C3orf20: variants seen among roughly 807,000 people sequenced by gnomAD.
C3orf20 encodes uncharacterized protein C3orf20.
C3orf20 carries 76 observed loss-of-function variants against 88.3 expected under a neutral mutation model. The ratio of observed to expected loss-of-function variants is 0.86; its 90% CI spans 0.72 to 1.04. The LOEUF (loss-of-function observed/expected upper bound fraction) is 1.04. C3orf20 is among the 50% of genes least tolerant of loss of function. The probability of loss-of-function intolerance (pLI) is 0.00; values close to 1 mark genes in which losing one functional copy is unlikely to be tolerated. For synonymous variants in C3orf20, 436 were observed against 437.4 expected, an observed-to-expected ratio of 1.00 and a Z score of 0.04; for missense variants, 1,056 against 1,123.3, an observed-to-expected ratio of 0.94 and a Z score of 0.86.
At chr3:14,684,524 C>A in intron 4 of C3orf20, 142 bp downstream of exon 4, 2 of 1,165,888 alleles carry the variant, frequency 1.7e-6, no homozygotes, top group Non-Finnish European at 2.4e-6. Flanking sequence ...TTTTCAAATG[C>A]TACAGGTGAG....
intron 12 of C3orf20, among the ~76,000 whole-genome samples, chr3:14,741,629 C>T (rs2034901811): frequency 6.6e-6 from 1 of 152,300 alleles, no homozygotes; most frequent in African/African-American, 2.4e-5. Context: ...TGTGGGGATT[C>T]TTGGCTTTGC....
At chr3:14,682,083 G>A (rs938220727) in intron 1 of C3orf20, 87 bp from the exon 2 acceptor site, 1 of 152,218 alleles carries the variant, frequency 6.6e-6, no homozygotes, top group Non-Finnish European at 1.5e-5. Flanking sequence ...GATCACTAAT[G>A]TCTTGGATTT....
intron 4 of C3orf20, among the ~76,000 whole-genome samples, chr3:14,689,192 G>A (rs1324327496): frequency 1.3e-5 from 2 of 152,096 alleles, no homozygotes; most frequent in Non-Finnish European, 2.9e-5. Context: ...GCTATTGTTA[G>A]TTCTTTTCAT....
intron 12 of C3orf20, among the ~76,000 whole-genome samples, chr3:14,736,809 C>T (rs1322214988): frequency 6.6e-6 from 1 of 152,172 alleles, no homozygotes; most frequent in African/African-American, 2.4e-5. Flanking sequence ...TCAAGTGATC[C>T]ACCTGCCTCA....
chr3:14,744,322 C>T (rs1283703316), intron 12 of C3orf20, among the ~76,000 whole-genome samples: 1 of 151,980 alleles, frequency 6.6e-6, no homozygotes, highest in African/African-American at 2.4e-5. Flanking sequence ...TGATCCAGTT[C>T]CCAACAAGTT....
chr3:14,683,875 C>CAAAAA (rs966127219), intron 3 of C3orf20, among the ~76,000 whole-genome samples: 2 of 83,194 alleles, frequency 2.4e-5, no homozygotes, highest in Admixed American at 1.4e-4. Flanking sequence ...GACTCCATCT[C>CAAAAA]AAAAAAAAAA....
rs2035902962 is a variant in C3orf20, at chr3:14,772,985, T to C, written c.*110T>C. On this transcript the variant is annotated 3_prime_UTR_variant, in exon 17 of 17. Coordinates refer to ENST00000253697, the MANE Select transcript of C3orf20 (RefSeq NM_032137.5). The surrounding 1 kb of genome is among the most constrained non-coding windows in gnomAD (Gnocchi z 4.2). Reference sequence around the variant, plus strand: ...TCCCACCCTGTCCTCCAAGCTTCTATAATAAACCAGCGGGCCTCCAGCATT... The same window carrying C: ...TCCCACCCTGTCCTCCAAGCTTCTACAATAAACCAGCGGGCCTCCAGCATT... 1.2e-6 allele frequency: 1 copy of C among 801,816 alleles called. No homozygotes were observed. The highest frequency in any genetic ancestry group is 1.5e-5 in the South Asian group (1 of 67,258). The allele number at this position is 801,816 out of a possible 1,614,324, so 49.7% of individuals were successfully genotyped here.
intron 12 of C3orf20, among the ~76,000 whole-genome samples, chr3:14,736,638 C>T (rs1280384078): frequency 6.7e-6 from 1 of 149,496 alleles, no homozygotes; most frequent in Non-Finnish European, 1.5e-5. Context: ...ATGGTCTCAG[C>T]TCACTGCAAC....
At position 14,761,572 on chromosome 3, in the gene C3orf20, G is replaced by A. The variant is rs759435347; in HGVS notation, c.2452G>A (p.Asp818Asn). 1.1e-5 allele frequency: 17 copies of A among 1,614,120 alleles called. No individual in the cohort carries two copies. In the South Asian group the frequency reaches 1.9e-4, roughly 18 times the overall value. Residue 818 changes from aspartate (D) to asparagine (N), a missense_variant, in exon 15 of 17, where the codon GAT (aspartate) becomes AAT (asparagine). Coordinates refer to ENST00000253697, the MANE Select transcript of C3orf20 (RefSeq NM_032137.5). Reference protein sequence around the residue: ...LLKQIFRSQQDYKMGYFLPDD... With the variant: ...LLKQIFRSQQNYKMGYFLPDD... ...GAAACAGATCTTCCGGTCTCAACAG[G>A]ATTACAAGATGGGCTACTTCCTGCC... is the stretch of plus-strand genomic sequence containing the variant.
chr3:14,680,306 A>C (rs1211212389), intron 1 of C3orf20, among the ~76,000 whole-genome samples: 2 of 152,274 alleles, frequency 1.3e-5, no homozygotes, highest in Admixed American at 6.5e-5. Flanking sequence ...ATACAGTGGA[A>C]TATTACTCTG....
At chr3:14,748,273 T>G (rs2035116364) in intron 12 of C3orf20, among the ~76,000 whole-genome samples, 1 of 152,172 alleles carries the variant, frequency 6.6e-6, no homozygotes, top group Non-Finnish European at 1.5e-5. Context: ...TTCACAATTT[T>G]TTCTTACAGT....
chr3:14,683,083 G>A lies in C3orf20; in HGVS notation c.370G>A (p.Ala124Thr). ...AKRSTLSPTM[A>T]RQVRTHQETL... ...GCGCTCCACCCTCTCTCCCACCATG[G>A]CCCGTCAGGTGCGCACCCACCAGGA... The change falls in exon 3 of 17, where the codon GCC (alanine) becomes ACC (threonine). Residue 124 changes from alanine (A) to threonine (T), a missense_variant. Ala to Thr is a moderately conservative substitution (Grantham distance 58, BLOSUM62 0). Transcript: ENST00000253697. 1.1e-5 allele frequency: 17 copies of A among 1,612,830 alleles called. No homozygotes were observed. The highest frequency in any genetic ancestry group is 1.4e-5 in the Non-Finnish European group (17 of 1,179,408).
Position 14,726,985 on chromosome 3 carries a change from A to G in C3orf20, c.1651A>G (p.Thr551Ala), listed in dbSNP as rs745859657. ...LAEIKKRFQK[T>A]VTQFINSILL... ...TGAGATCAAGAAGCGGTTTCAGAAG[A>G]CAGTGACTCAGTTCATTAATTCTAT... The change falls in exon 11 of 17, where the codon ACA (threonine) becomes GCA (alanine). Residue 551 changes from threonine to alanine, a missense_variant. Thr to Ala is a moderately conservative substitution (Grantham distance 58, BLOSUM62 0). Transcript: ENST00000253697. 6 of 1,614,076 alleles carry G rather than the reference A, an allele frequency of 3.7e-6. No homozygotes were observed. The highest frequency in any genetic ancestry group is 1.7e-5 in the Admixed American group (1 of 59,996).
At chr3:14,695,963 C>A (rs1297447474) in intron 5 of C3orf20, among the ~76,000 whole-genome samples, 1 of 151,876 alleles carries the variant, frequency 6.6e-6, no homozygotes, top group Non-Finnish European at 1.5e-5. Context: ...AGAGTTTAGT[C>A]CATTTATATT....
intron 15 of C3orf20, 91 bp from the exon 16 acceptor site, chr3:14,771,976 C>T (rs1286559946): frequency 2.0e-6 from 3 of 1,521,622 alleles, no homozygotes; most frequent in Middle Eastern, 4.0e-4. Flanking sequence ...CACTTGTGTC[C>T]TTGTCTGTCC....
Position 14,768,707 on chromosome 3 carries a change from C to T in C3orf20, c.2496-3360C>T, listed in dbSNP as rs2035786100. ...AGAGAAATTACCTTCCTGAAGTAGA[C>T]CAGGGGCTCAGAAATAGTGGGCTAG... On this transcript the variant is annotated intron_variant, in intron 15 of 16. Coordinates refer to ENST00000253697, the MANE Select transcript of C3orf20 (RefSeq NM_032137.5). The surrounding 1 kb of genome is among the most constrained non-coding windows in gnomAD (Gnocchi z 4.1). Among the ~76,000 whole-genome samples the T allele has an allele frequency of 6.6e-6, 1 of 151,916 alleles. No individual in the cohort carries two copies. Among genetic ancestry groups the T allele is most frequent in the East Asian group, 1.9e-4 (1 of 5,186 alleles).
At chr3:14,693,356 A>G (rs1443893373) in intron 5 of C3orf20, among the ~76,000 whole-genome samples, 2 of 152,238 alleles carry the variant, frequency 1.3e-5, no homozygotes, top group Non-Finnish European at 1.5e-5. Context: ...ATCCATGAAC[A>G]TGGAATAGCT....
intron 5 of C3orf20, among the ~76,000 whole-genome samples, chr3:14,697,648 C>G (rs950885598): frequency 6.6e-6 from 1 of 150,378 alleles, no homozygotes; most frequent in African/African-American, 2.5e-5. Context: ...GTTTGCTGCA[C>G]CCCCCAACTC....
chr3:14,703,038 G>T, intron 5 of C3orf20, 92 bp from the exon 6 acceptor site: 1 of 1,446,864 alleles, frequency 6.9e-7, no homozygotes, highest in South Asian at 1.2e-5. Context: ...GATCTCCTTT[G>T]ACTCCAGGTC....
Sources: allele counts gnomAD v4.1 joint callset (sites outside exome capture counted in the v4.1 genomes callset), GRCh38; gene constraint gnomAD v4.1.1; non-coding constraint Gnocchi (gnomAD v3.1); transcripts MANE v1.5; gene names NCBI Gene and HGNC (gene_info 2026-07-23, HGNC 2026-07-21).